NRAP: variants seen among roughly 807,000 people sequenced by gnomAD.
The protein encoded by NRAP is nebulin related anchoring protein.
In NRAP, 189 loss-of-function variants were observed where a neutral mutation model predicts 225.9. The observed-to-expected ratio is 0.84, with a 90% CI of 0.74 to 0.94. The LOEUF is 0.94. NRAP is among the 40% of genes least tolerant of loss of function. The probability of loss-of-function intolerance (pLI) is 0.00; values close to 1 mark genes in which losing one functional copy is unlikely to be tolerated. For synonymous variants in NRAP, 769 were observed against 790.7 expected (o/e 0.97, Z 0.46); for missense variants, 2,176 against 2,168.7 (o/e 1.00, Z -0.07).
chr10:113,605,948 C>G (rs993561093), intron 33 of NRAP, 79 bp from the exon 34 acceptor site: 1 of 1,042,944 alleles, frequency 9.6e-7, no homozygotes, highest in Non-Finnish European at 1.5e-6. Flanking sequence ...TCATTTATAG[C>G]ACAGTGTTCC....
Position 113,606,162 on chromosome 10 carries a change from T to C in NRAP, c.3807+16A>G, listed in dbSNP as rs1487007551. ...GCTTTGGAGCATGCTTGAACTTAAG[T>C]AACAAAAGGGCTTACGTCACTCAGG... On this transcript the variant is annotated intron_variant, in intron 33 of 41. Coordinates refer to ENST00000359988, the MANE Select transcript of NRAP (RefSeq NM_198060.4). The C allele has an allele frequency of 1.9e-6, 3 of 1,588,830 alleles. No individual in the cohort carries two copies. Among genetic ancestry groups the C allele is most frequent in the Non-Finnish European group, 2.6e-6 (3 of 1,156,846 alleles).
At chr10:113,653,933 T>C in intron 5 of NRAP, 88 bp downstream of exon 5, 2 of 816,502 alleles carry the variant, frequency 2.4e-6, no homozygotes, top group South Asian at 2.8e-5. Context: ...TCATTCTGTC[T>C]ACCGAAATTG....
chr10:113,629,652 T>C lies in NRAP; in HGVS notation c.1976A>G (p.Tyr659Cys), dbSNP rs563517120. Residue 659 changes from tyrosine to cysteine, a missense_variant, in exon 19 of 42, where the codon TAC (tyrosine) becomes TGC (cysteine). Tyr to Cys is a radical substitution (Grantham distance 194, BLOSUM62 -2). Coordinates refer to ENST00000359988, the MANE Select transcript of NRAP (RefSeq NM_198060.4). ...DLDYRKKLHEYTVLPEDMKTQ... is the reference protein window; with the variant it reads ...DLDYRKKLHECTVLPEDMKTQ... ...CTTCATATCTTCAGGCAGCACAGTG[T>C]ATTCATGCAGTTTCTTCCTGTAGTC... 8.5e-5 allele frequency: 137 copies of C among 1,614,096 alleles called. 2 individuals are homozygous for C. In the South Asian group the frequency reaches 1.5e-3, roughly 17 times the overall value.
chr10:113,596,938 A>C, intron 37 of NRAP, 148 bp downstream of exon 37: 2 of 561,868 alleles, frequency 3.6e-6, no homozygotes, highest in Non-Finnish European at 6.4e-6. Flanking sequence ...GGTCATAGAA[A>C]GATTTACACA....
At chr10:113,599,417 A>G (rs982219976) in intron 35 of NRAP, among the ~76,000 whole-genome samples, 1 of 152,238 alleles carries the variant, frequency 6.6e-6, no homozygotes, top group African/African-American at 2.4e-5. Flanking sequence ...CACTCTGATA[A>G]AGAACAGAGA....
chr10:113,622,046 G>C lies in NRAP; in HGVS notation c.2592C>G (p.Phe864Leu). Residue 864 changes from phenylalanine to leucine, a missense_variant, in exon 24 of 42, where the codon TTC (phenylalanine) becomes TTG (leucine). Physicochemically the swap from Phe to Leu is conservative, Grantham distance 22 (BLOSUM62 0). Around this residue, in one of 3 missense-constraint regions of NRAP, gnomAD observed 1,708 missense variants for 1,695.5 expected, o/e 1.01. Transcript: ENST00000359988. ...CGTGGCATTGGGATTTGGTGTCCTC[G>C]AATCCCTTCTTGTACTCCAGCTCAC... ...LQSELEYKKG[F>L]EDTKSQCHVS... 6.2e-7 allele frequency: 1 copy of C among 1,614,188 alleles called. No homozygotes were observed. The highest frequency in any genetic ancestry group is 8.5e-7 in the Non-Finnish European group (1 of 1,180,010).
Position 113,621,813 on chromosome 10 carries a change from G to A in NRAP, c.2769+56C>T, listed in dbSNP as rs1848005235. The stretch of plus-strand genomic sequence containing the variant: ...ATGGCTTAGGGAAACACTTGCACTA[G>A]CACACACACAACACACACATACACA... On this transcript the variant is annotated intron_variant, in intron 24 of 41. Coordinates refer to ENST00000359988, the MANE Select transcript of NRAP (RefSeq NM_198060.4). The A allele has an allele frequency of 2.9e-5, 44 of 1,497,680 alleles. 1 individual carries two copies. In the South Asian group the frequency reaches 5.3e-4, roughly 18 times the overall value. 92.8% of individuals were successfully genotyped at this position (1,497,680 alleles called of 1,614,324 possible). A position where few individuals can be genotyped will look rare whatever the true frequency, so the allele number is the denominator to read the frequency against.
intron 18 of NRAP, among the ~76,000 whole-genome samples, chr10:113,630,621 T>C (rs1848526368): frequency 6.6e-6 from 1 of 152,216 alleles, no homozygotes; most frequent in African/African-American, 2.4e-5. Flanking sequence ...CACAGTCTTT[T>C]TGACCCCCAG....
In NRAP at chr10:113,633,158, T is replaced by G. The variant is rs1218595343; in HGVS notation, c.1558A>C (p.Lys520Gln). 1 of 1,607,234 alleles carries G rather than the reference T, an allele frequency of 6.2e-7. No homozygotes were observed. ...TCCTGGGGCAATGTGTAATTCAACT[T>G]ATTTTTCTCATAGTCAGCACGGTAA... Reference protein sequence around the residue: ...VNYRADYEKNKLNYTLPQDVP... With the variant: ...VNYRADYEKNQLNYTLPQDVP... The change falls in exon 16 of 42, where the codon AAG (lysine) becomes CAG (glutamine). Residue 520 changes from lysine (K) to glutamine (Q), a missense_variant. Transcript: ENST00000359988.
chr10:113,592,923 T>C (rs919282545), intron 38 of NRAP, among the ~76,000 whole-genome samples: 5 of 152,214 alleles, frequency 3.3e-5, no homozygotes, highest in Non-Finnish European at 7.3e-5. Flanking sequence ...TCTTCCTCTT[T>C]CATTTTTTCC....
intron 6 of NRAP, among the ~76,000 whole-genome samples, chr10:113,652,144 T>C (rs193155512): frequency 9.5e-5 from 14 of 146,864 alleles, no homozygotes; most frequent in African/African-American, 3.2e-4. Context: ...TTAATCTCCA[T>C]AACAATCATA....
chr10:113,612,136 C>T (rs1311384823), intron 30 of NRAP, 98 bp downstream of exon 30: 9 of 953,904 alleles, frequency 9.4e-6, no homozygotes, highest in East Asian at 2.4e-5. Context: ...GGATTTCTCA[C>T]TTCCAGAGAT....
intron 9 of NRAP, among the ~76,000 whole-genome samples, chr10:113,647,605 GTCTCCCCCGGTGGTACTT>G: frequency 2.4e-5 from 3 of 125,660 alleles, no homozygotes; most frequent in Non-Finnish European, 5.0e-5. Flanking sequence ...TAGTGGTACT[GTCTCCCCCGGTGGTACTT>G]CCTCCCCTAG....
chr10:113,629,728 T>A lies in NRAP; in HGVS notation c.1900A>T (p.Met634Leu). 3 of 1,613,990 alleles carry A rather than the reference T, an allele frequency of 1.9e-6. No homozygotes were observed. Among genetic ancestry groups the A allele is most frequent in the Non-Finnish European group, 2.5e-6 (3 of 1,179,820 alleles). ...SKTRFHLPMD[M>L]VNIRHAKKAQ... The stretch of plus-strand genomic sequence containing the variant: ...TTCTTAGCATGCCTGATGTTTACCA[T>A]ATCCATGGGCAGGTGAAACCGGGTC... Residue 634 changes from methionine to leucine, a missense_variant, in exon 19 of 42, where the codon ATG becomes TTG. Met to Leu is a conservative substitution (Grantham distance 15). This residue lies in a region of NRAP where 1,708 missense variants were observed against 1,695.5 expected (regional missense o/e 1.01). Coordinates refer to ENST00000359988, the MANE Select transcript of NRAP (RefSeq NM_198060.4).
chr10:113,622,252 A>G, intron 23 of NRAP, 72 bp from the exon 24 acceptor site: 2 of 1,026,318 alleles, frequency 1.9e-6, no homozygotes, highest in Admixed American at 2.0e-5. Context: ...GACTCCATGC[A>G]TGGGAGCTGA....
At chr10:113,644,343 T>C (rs1019030544) in intron 11 of NRAP, among the ~76,000 whole-genome samples, 1 of 152,108 alleles carries the variant, frequency 6.6e-6, no homozygotes, top group Admixed American at 6.5e-5. Context: ...TCTAGTGTTC[T>C]GTGAGTGAGA....
At chr10:113,596,899 G>A (rs1037540836) in intron 37 of NRAP, among the ~76,000 whole-genome samples, 187 bp downstream of exon 37, 2 of 152,104 alleles carry the variant, frequency 1.3e-5, no homozygotes, top group Non-Finnish European at 2.9e-5. Flanking sequence ...AGGTTAGAAG[G>A]GATTCAGCAA....
At position 113,612,396 on chromosome 10, in the gene NRAP, C is replaced by T. The variant is rs187548104; in HGVS notation, c.3336G>A (p.Ala1112=). The part of the protein sequence containing the change: ...NYKKGFEHSK[A]QFHLPLDMAA... ...CCATGTCCAACGGCAGATGGAACTG[C>T]GCCTTTGAGTGTTCAAAGCCTTTCT... The change falls in exon 30 of 42, where the codon GCG becomes GCA. Residue 1112 remains alanine (A), a synonymous_variant. Transcript: ENST00000359988. The T allele has an allele frequency of 5.7e-5, 92 of 1,614,122 alleles. 1 individual carries two copies. The highest frequency in any genetic ancestry group is 2.5e-4 in the African/African-American group (19 of 75,044).
intron 29 of NRAP, among the ~76,000 whole-genome samples, chr10:113,613,060 C>G (rs905553494): frequency 6.6e-6 from 1 of 152,142 alleles, no homozygotes; most frequent in Non-Finnish European, 1.5e-5. Context: ...CTGGGAAACT[C>G]TGGGAATAAT....
Sources: allele counts gnomAD v4.1 joint callset (sites outside exome capture counted in the v4.1 genomes callset), GRCh38; gene constraint gnomAD v4.1.1; regional missense constraint gnomAD v4.1.1; transcripts MANE v1.5; gene names NCBI Gene and HGNC (gene_info 2026-07-23, HGNC 2026-07-21).